The following GLRA2 variants were observed in gnomAD, a reference collection of about 807,000 sequenced individuals.
GLRA2 encodes glycine receptor subunit alpha-2.
Under a neutral mutation model 31.6 loss-of-function variants are expected in GLRA2, and 11 were observed. The ratio of observed to expected loss-of-function variants is 0.35; its 90% CI spans 0.22 to 0.58. The LOEUF (loss-of-function observed/expected upper bound fraction) is 0.58. Among genes scored for constraint, GLRA2 ranks in the 20% least tolerant of loss-of-function variants. The probability of loss-of-function intolerance (pLI) is 0.84; values close to 1 mark genes in which losing one functional copy is unlikely to be tolerated. For synonymous variants in GLRA2, 132 were observed against 134.0 expected, an observed-to-expected ratio of 0.99 and a Z score of 0.10; for missense variants, 212 against 351.8, an observed-to-expected ratio of 0.60 and a Z score of 3.18.
chrX:14,470,678 C>T, the GLRA2 span, among the ~76,000 whole-genome samples: 1 of 111,662 alleles, frequency 9.0e-6, no homozygotes, highest in Admixed American at 9.5e-5. Flanking sequence ...ACAAAATAAC[C>T]TCTGGCATTG....
the GLRA2 span, among the ~76,000 whole-genome samples, chrX:14,471,199 A>AT: frequency 8.9e-6 from 1 of 111,876 alleles, no homozygotes; most frequent in South Asian, 3.7e-4. Flanking sequence ...AAACACATTA[A>AT]TGAGAAGAGA....
chrX:14,709,236 T>TA (rs1311528482), intron 8 of GLRA2, among the ~76,000 whole-genome samples: 4 of 110,792 alleles, frequency 3.6e-5, no homozygotes, highest in African/African-American at 1.3e-4. Flanking sequence ...CCTGTCTCTT[T>TA]AAAAAGGAGT....
chrX:14,571,358 C>A (rs1455440618), intron 2 of GLRA2, among the ~76,000 whole-genome samples: 2 of 111,742 alleles, frequency 1.8e-5, no homozygotes, highest in Admixed American at 1.9e-4. Context: ...AAAGGTTGTG[C>A]TGACACATGC....
intron 7 of GLRA2, among the ~76,000 whole-genome samples, chrX:14,638,033 G>A (rs1052728328): frequency 9.0e-6 from 1 of 111,623 alleles, no homozygotes; most frequent in Admixed American, 9.5e-5. Flanking sequence ...AGACAGGGTA[G>A]GGTCTGAGTA....
At chrX:14,521,559 C>T in the GLRA2 span, among the ~76,000 whole-genome samples, 1 of 111,355 alleles carries the variant, frequency 9.0e-6, no homozygotes, top group Non-Finnish European at 1.9e-5. Flanking sequence ...AGCCATCCAC[C>T]AGCATCAGGG....
At chrX:14,555,603 G>T (rs2089631557) in intron 2 of GLRA2, among the ~76,000 whole-genome samples, 1 of 112,051 alleles carries the variant, frequency 8.9e-6, no homozygotes, top group African/African-American at 3.2e-5. Flanking sequence ...ATTGGTGATT[G>T]TCATATTTTT....
chrX:14,701,968 T>C (rs1202901473), intron 8 of GLRA2, among the ~76,000 whole-genome samples: 1 of 112,094 alleles, frequency 8.9e-6, no homozygotes, highest in Non-Finnish European at 1.9e-5. Context: ...TTTAAGTGCA[T>C]GATTTAAAGT....
At chrX:14,472,456 A>G in the GLRA2 span, among the ~76,000 whole-genome samples, 4 of 110,929 alleles carry the variant, frequency 3.6e-5, no homozygotes, top group African/African-American at 6.6e-5. Flanking sequence ...TGCACATATC[A>G]TCCCATTGTC....
At chrX:14,509,208 C>A in the GLRA2 span, among the ~76,000 whole-genome samples, 159 of 112,288 alleles carry the variant, frequency 1.4e-3, no homozygotes, top group African/African-American at 4.1e-3. Context: ...GTAGAGATTA[C>A]TGTAATAGAT....
At chrX:14,541,934 G>A (rs2089410441) in intron 2 of GLRA2, among the ~76,000 whole-genome samples, 1 of 111,291 alleles carries the variant, frequency 9.0e-6, no homozygotes, top group South Asian at 3.8e-4. Context: ...CTCAAGCCAT[G>A]TTTTTCAGAA....
chrX:14,666,298 C>A (rs746243582), intron 7 of GLRA2, among the ~76,000 whole-genome samples: 23 of 111,723 alleles, frequency 2.1e-4, no homozygotes, highest in South Asian at 3.7e-4. Flanking sequence ...TACAGTTTAT[C>A]CAAAATTCCA....
chrX:14,497,132 G>A, the GLRA2 span, among the ~76,000 whole-genome samples: 1 of 111,720 alleles, frequency 9.0e-6, no homozygotes, highest in South Asian at 3.7e-4. Context: ...ACACAGAAGA[G>A]GAAAAATAAA....
At chrX:14,471,565 T>C in the GLRA2 span, among the ~76,000 whole-genome samples, 1 of 112,337 alleles carries the variant, frequency 8.9e-6, no homozygotes, top group Admixed American at 9.4e-5. Flanking sequence ...CTCTGCTATG[T>C]GTTTTAAAAG....
intron 3 of GLRA2, among the ~76,000 whole-genome samples, chrX:14,575,072 C>T (rs1012969575): frequency 9.1e-6 from 1 of 109,292 alleles, no homozygotes; most frequent in Non-Finnish European, 1.9e-5. Flanking sequence ...AACAATTATA[C>T]CATATGAATG....
At chrX:14,595,738 C>T (rs3027371) in intron 4 of GLRA2, among the ~76,000 whole-genome samples, 2,815 of 111,123 alleles carry the variant, frequency 0.025, 88 homozygotes, top group African/African-American at 0.085. Flanking sequence ...TATCTGGGCC[C>T]CAAGGGAGTA....
rs772135396 is a variant in GLRA2 at position 14,632,474 on chromosome X, C to T, written c.930+23269C>T. ...AAGACTATTTATTAAATATATCATCCATGAACTCTAAGACTGAGAACAAAT... is the reference window on the plus strand; with the variant it reads ...AAGACTATTTATTAAATATATCATCTATGAACTCTAAGACTGAGAACAAAT... On this transcript the variant is annotated intron_variant, in intron 7 of 8. Coordinates refer to ENST00000218075, the MANE Select transcript of GLRA2 (RefSeq NM_002063.4). 1.0e-3 allele frequency among the ~76,000 whole-genome samples: 111 copies of T among 111,416 alleles called. 2 individuals carry two copies. Among genetic ancestry groups the T allele is most frequent in the African/African-American group, 3.3e-3 (102 of 30,724 alleles).
At chrX:14,681,910 A>AAAATATATATATAT (rs758563376) in intron 7 of GLRA2, among the ~76,000 whole-genome samples, 1 of 41,294 alleles carries the variant, frequency 2.4e-5, no homozygotes, top group African/African-American at 1.2e-4. Context: ...AAAAAAAAAA[A>AAAATATATATATAT]ATATATATAT....
the GLRA2 span, among the ~76,000 whole-genome samples, chrX:14,481,571 G>A: frequency 9.0e-6 from 1 of 111,596 alleles, no homozygotes; most frequent in Non-Finnish European, 1.9e-5. Flanking sequence ...GGCCTGTCCA[G>A]AAAGAATGAA....
chrX:14,496,968 T>C, the GLRA2 span, among the ~76,000 whole-genome samples: 1 of 111,843 alleles, frequency 8.9e-6, no homozygotes, highest in Admixed American at 9.5e-5. Context: ...AGCAAAATCT[T>C]TTCATTGTAC....
Sources: gnomAD v4.1 joint callset for allele counts (sites outside exome capture counted in the v4.1 genomes callset) on GRCh38, gnomAD v4.1.1 for gene constraint, MANE v1.5 for transcripts, NCBI Gene and HGNC (gene_info 2026-07-23, HGNC 2026-07-21) for gene names.